The following GALNT10 variants were observed in gnomAD, a reference collection of about 807,000 sequenced individuals.
GALNT10 encodes GalNAc transferase 10.
GALNT10 carries 41 observed loss-of-function variants against 75.0 expected under a neutral mutation model. The ratio of observed to expected loss-of-function variants is 0.55; its 90% CI spans 0.43 to 0.71. GALNT10 has a LOEUF of 0.71. GALNT10 is among the 30% of genes least tolerant of loss of function. The pLI, the probability that GALNT10 is intolerant of heterozygous loss-of-function variation, is 0.00. For synonymous variants in GALNT10, 302 were observed against 313.0 expected (o/e 0.96, Z 0.37); for missense variants, 727 against 818.5 (o/e 0.89, Z 1.36).
At chr5:154,352,000 T>C (rs1052947900) in intron 4 of GALNT10, among the ~76,000 whole-genome samples, 1 of 152,226 alleles carries the variant, frequency 6.6e-6, no homozygotes, top group Non-Finnish European at 1.5e-5. Context: ...TATCATCACC[T>C]TTTTAGAGGT....
At chr5:154,398,208 C>A (rs1418831860) in intron 7 of GALNT10, among the ~76,000 whole-genome samples, 54 of 152,232 alleles carry the variant, frequency 3.5e-4, no homozygotes, top group Admixed American at 3.5e-3. Flanking sequence ...GGAACTCCTG[C>A]GGTGGAGCAG....
chr5:154,399,971 C>A (rs909831428), intron 7 of GALNT10, among the ~76,000 whole-genome samples: 2 of 151,962 alleles, frequency 1.3e-5, no homozygotes, highest in Non-Finnish European at 2.9e-5. Context: ...AGGGAGACCC[C>A]CATGTCTACA....
chr5:154,245,495 G>A (rs1038914524), intron 1 of GALNT10, among the ~76,000 whole-genome samples: 1 of 151,410 alleles, frequency 6.6e-6, no homozygotes, highest in African/African-American at 2.4e-5. Flanking sequence ...TTGTCCTCAG[G>A]TCACAGTGAA....
intron 1 of GALNT10, among the ~76,000 whole-genome samples, chr5:154,271,130 A>G (rs1753858062): frequency 6.6e-6 from 1 of 152,068 alleles, no homozygotes; most frequent in Non-Finnish European, 1.5e-5. Context: ...CAGATATTTG[A>G]GTCCTGTAAA....
chr5:154,377,626 T>C (rs1270983971), intron 5 of GALNT10, among the ~76,000 whole-genome samples: 1 of 152,122 alleles, frequency 6.6e-6, no homozygotes, highest in Non-Finnish European at 1.5e-5. Flanking sequence ...AATGCCACCA[T>C]TCAGGGGAGA....
At chr5:154,225,070 C>G (rs183488025) in intron 1 of GALNT10, among the ~76,000 whole-genome samples, 1 of 151,770 alleles carries the variant, frequency 6.6e-6, no homozygotes, top group African/African-American at 2.4e-5. Context: ...GCGTGAGCCA[C>G]CACACCTGGC....
intron 1 of GALNT10, among the ~76,000 whole-genome samples, chr5:154,239,267 C>T (rs1453657825): frequency 3.9e-5 from 6 of 152,234 alleles, no homozygotes; most frequent in Non-Finnish European, 8.8e-5. Context: ...TCTCGCCTCC[C>T]TTCTGCCTAC....
chr5:154,309,548 G>A (rs1754482160), intron 3 of GALNT10, among the ~76,000 whole-genome samples: 1 of 152,222 alleles, frequency 6.6e-6, no homozygotes, highest in African/African-American at 2.4e-5. Context: ...TCAGTCCACA[G>A]TAGGAGTAGT....
At chr5:154,271,079 A>G (rs577128679) in intron 1 of GALNT10, among the ~76,000 whole-genome samples, 1 of 152,222 alleles carries the variant, frequency 6.6e-6, no homozygotes, top group African/African-American at 2.4e-5. Context: ...AAAAAAGGAT[A>G]AAGTGGACAA....
In GALNT10 at chr5:154,286,431, T is replaced by A. The variant is rs189179673; in HGVS notation, c.160-8385T>A. Among the ~76,000 whole-genome samples the A allele has an allele frequency of 3.4e-3, 506 of 149,584 alleles. 3 individuals are homozygous for A. The highest frequency in any genetic ancestry group is 0.012 in the African/African-American group (498 of 40,812). On this transcript the variant is annotated intron_variant, in intron 1 of 11. Coordinates refer to ENST00000297107, the MANE Select transcript of GALNT10 (RefSeq NM_198321.4). ...TGATAAAACATTTGGGCACTTATCC[T>A]GAAGAAAGTGTTGAAATTGTTCTTT...
chr5:154,248,761 G>C (rs1371248265), intron 1 of GALNT10, among the ~76,000 whole-genome samples: 1 of 152,120 alleles, frequency 6.6e-6, no homozygotes, highest in Non-Finnish European at 1.5e-5. Flanking sequence ...CAAAAAATCA[G>C]CTCCTGGATT....
At chr5:154,348,187 G>A (rs1755156976) in intron 4 of GALNT10, among the ~76,000 whole-genome samples, 1 of 152,224 alleles carries the variant, frequency 6.6e-6, no homozygotes, top group African/African-American at 2.4e-5. Flanking sequence ...ACAGAGCGTT[G>A]AAATCATTTG....
chr5:154,308,303 CT>C (rs999069378), intron 3 of GALNT10, among the ~76,000 whole-genome samples: 10 of 152,068 alleles, frequency 6.6e-5, no homozygotes, highest in Admixed American at 6.5e-4. Context: ...CATCCTGGGC[CT>C]AGCAGAGCTG....
intron 2 of GALNT10, 66 bp from the exon 3 acceptor site, chr5:154,297,875 T>C (rs1354658387): frequency 7.2e-7 from 1 of 1,390,406 alleles, no homozygotes; most frequent in African/African-American, 1.5e-5. Flanking sequence ...TTTCATCCTT[T>C]TTCCCCACTC....
At chr5:154,235,321 G>A (rs1753228514) in intron 1 of GALNT10, among the ~76,000 whole-genome samples, 1 of 152,182 alleles carries the variant, frequency 6.6e-6, no homozygotes, top group Non-Finnish European at 1.5e-5. Context: ...ACCAGCCACA[G>A]CAGCAGCTGG....
intron 1 of GALNT10, among the ~76,000 whole-genome samples, chr5:154,207,455 C>CT (rs1561628629): frequency 6.6e-6 from 1 of 152,158 alleles, no homozygotes; most frequent in African/African-American, 2.4e-5. Flanking sequence ...CTACAGAGTC[C>CT]TGGGCCTTAA....
intron 4 of GALNT10, among the ~76,000 whole-genome samples, chr5:154,371,558 G>T (rs969202269): frequency 7.7e-5 from 4 of 51,978 alleles, no homozygotes; most frequent in Admixed American, 1.6e-4. Flanking sequence ...GTGTGTGTGT[G>T]TGTGTACACA....
At position 154,412,560 on chromosome 5, in the gene GALNT10, C is replaced by T; in HGVS notation, c.1387-329C>T. The T allele has an allele frequency of 6.6e-6, 2 of 301,746 alleles. No homozygotes were observed. The highest frequency in any genetic ancestry group is 3.0e-5 in the South Asian group (1 of 33,580). The allele number at this position is 301,746 out of a possible 1,614,324, so 18.7% of individuals were successfully genotyped here. On this transcript the variant is annotated intron_variant, in intron 9 of 11. Transcript: ENST00000297107. This position sits in a 1 kb window ranked among gnomAD's most constrained non-coding sequence, Gnocchi z 4.2. The stretch of plus-strand genomic sequence containing the variant: ...CCTGGAATGGGGGTAAAATCTGGTT[C>T]CTGGACCTGTCGGTTCAATTTCTCC...
chr5:154,377,839 C>T (rs936673584), intron 5 of GALNT10, among the ~76,000 whole-genome samples: 5 of 151,688 alleles, frequency 3.3e-5, no homozygotes, highest in African/African-American at 1.2e-4. Flanking sequence ...GCATTTACCT[C>T]TCATTACTGA....
Sources: gnomAD v4.1 joint callset for allele counts (sites outside exome capture counted in the v4.1 genomes callset) on GRCh38, gnomAD v4.1.1 for gene constraint, Gnocchi (gnomAD v3.1) non-coding constraint, MANE v1.5 for transcripts, NCBI Gene and HGNC (gene_info 2026-07-23, HGNC 2026-07-21) for gene names.